Variants in AGBL1 observed in about 807,000 individuals in gnomAD.
AGBL1 encodes AGBL carboxypeptidase 1, also known as cytosolic carboxypeptidase 4.
AGBL1 carries 130 observed loss-of-function variants against 118.9 expected under a neutral mutation model. The ratio of observed to expected loss-of-function variants is 1.09; its 90% CI spans 0.95 to 1.26. The LOEUF (loss-of-function observed/expected upper bound fraction) is 1.26, where lower values mean the gene tolerates loss of function less well. Among genes scored for constraint, AGBL1 ranks in the 50% most tolerant of loss-of-function variants. The pLI is 0.00. For synonymous variants in AGBL1, 555 were observed against 478.9 expected, an observed-to-expected ratio of 1.16 and a Z score of -2.08; for missense variants, 1,584 against 1,298.1, an observed-to-expected ratio of 1.22 and a Z score of -3.38.
chr15:86,262,453 G>A (rs867320929), intron 9 of AGBL1, among the ~76,000 whole-genome samples: 6 of 152,110 alleles, frequency 3.9e-5, no homozygotes, highest in South Asian at 2.1e-4. Context: ...CAATGATGCT[G>A]ACGATAGTGG....
downstream of AGBL1, among the ~76,000 whole-genome samples, chr15:86,918,144 G>C (rs1234311728): frequency 6.6e-6 from 1 of 152,142 alleles, no homozygotes; most frequent in African/African-American, 2.4e-5. Context: ...TGAATATGAT[G>C]GTAATGATAA....
intron 22 of AGBL1, among the ~76,000 whole-genome samples, chr15:86,834,640 T>A (rs1446674079): frequency 6.6e-6 from 1 of 152,168 alleles, no homozygotes; most frequent in African/African-American, 2.4e-5. Context: ...CTCTGATCCT[T>A]TTGACCTTAT....
intron 22 of AGBL1, among the ~76,000 whole-genome samples, chr15:86,752,428 A>T (rs1460561572): frequency 2.6e-5 from 4 of 152,110 alleles, no homozygotes; most frequent in Admixed American, 2.6e-4. Context: ...TTCATCTTTT[A>T]TCTGGTACAA....
At chr15:86,563,989 C>G (rs1158784161) in intron 21 of AGBL1, among the ~76,000 whole-genome samples, 1 of 152,162 alleles carries the variant, frequency 6.6e-6, no homozygotes, top group Non-Finnish European at 1.5e-5. Flanking sequence ...CTTGGTAGAT[C>G]TTCCTCCATC....
chr15:86,491,337 A>G (rs898883238), intron 18 of AGBL1, among the ~76,000 whole-genome samples: 1 of 152,118 alleles, frequency 6.6e-6, no homozygotes, highest in African/African-American at 2.4e-5. Flanking sequence ...AGAGAAAAGC[A>G]TACGGTGGCA....
intron 11 of AGBL1, among the ~76,000 whole-genome samples, chr15:86,266,090 T>C (rs2079066121): frequency 6.6e-6 from 1 of 152,204 alleles, no homozygotes; most frequent in South Asian, 2.1e-4. Flanking sequence ...CCAACGCAAG[T>C]GCTTTTGATA....
At chr15:86,682,156 C>G (rs1259345291) in intron 22 of AGBL1, among the ~76,000 whole-genome samples, 1 of 152,030 alleles carries the variant, frequency 6.6e-6, no homozygotes, top group East Asian at 1.9e-4. Context: ...TAGTTGCAGG[C>G]AAATAAATGC....
At chr15:86,441,957 G>A (rs74025131) in intron 18 of AGBL1, among the ~76,000 whole-genome samples, 1,567 of 152,338 alleles carry the variant, frequency 0.01, 23 homozygotes, top group African/African-American at 0.036. Context: ...AGACCTCTGT[G>A]TATCAAAGGG....
At chr15:86,871,055 T>G (rs981065893) in intron 22 of AGBL1, among the ~76,000 whole-genome samples, 1 of 152,188 alleles carries the variant, frequency 6.6e-6, no homozygotes, top group Non-Finnish European at 1.5e-5. Context: ...CATGATGCCT[T>G]CCTGTTGGAA....
At chr15:86,870,036 G>T (rs190657325) in intron 22 of AGBL1, among the ~76,000 whole-genome samples, 1 of 152,142 alleles carries the variant, frequency 6.6e-6, no homozygotes, top group African/African-American at 2.4e-5. Context: ...TCCTTCGACT[G>T]CATCACCCCA....
chr15:86,739,656 C>T (rs1337720175), intron 22 of AGBL1, among the ~76,000 whole-genome samples: 1 of 151,794 alleles, frequency 6.6e-6, no homozygotes, highest in Admixed American at 6.6e-5. Context: ...ATCTATCCAC[C>T]CTTAGAATAA....
rs73443542 is a variant in AGBL1 at position 86,615,802 on chromosome 15, T to C, written c.2995-58471T>C. On this transcript the variant is annotated intron_variant, in intron 21 of 22. Coordinates refer to ENST00000614907, the MANE Select transcript of AGBL1 (RefSeq NM_001386094.1). This position sits in a 1 kb window ranked among gnomAD's most constrained non-coding sequence, Gnocchi z 4.3. ...AAAAGTCAACAACATATATAAAAGT[T>C]CTGGAAGCAGATGGAAACTCAGGGA... is the stretch of plus-strand genomic sequence containing the variant. Among the ~76,000 whole-genome samples the C allele has an allele frequency of 0.018, 2,718 of 152,242 alleles. 88 individuals are homozygous for C. The highest frequency in any genetic ancestry group is 0.062 in the African/African-American group (2,578 of 41,542).
intron 6 of AGBL1, among the ~76,000 whole-genome samples, chr15:86,232,463 C>T (rs908120147): frequency 2.6e-5 from 4 of 152,196 alleles, no homozygotes; most frequent in African/African-American, 9.6e-5. Flanking sequence ...TCCATACTAT[C>T]TGTGCTTCCC....
chr15:86,745,556 C>T (rs2077744048), intron 22 of AGBL1, among the ~76,000 whole-genome samples: 1 of 152,038 alleles, frequency 6.6e-6, no homozygotes, highest in South Asian at 2.1e-4. Flanking sequence ...GGACCAAAAT[C>T]TTGGTCAAGG....
chr15:86,559,025 G>A (rs1388162017), intron 21 of AGBL1, among the ~76,000 whole-genome samples: 1 of 152,102 alleles, frequency 6.6e-6, no homozygotes, highest in Non-Finnish European at 1.5e-5. Context: ...TGAGCTTCTT[G>A]TATTGCCAGA....
chr15:86,655,142 G>T (rs2085442143), intron 21 of AGBL1, among the ~76,000 whole-genome samples: 1 of 152,138 alleles, frequency 6.6e-6, no homozygotes, highest in Admixed American at 6.6e-5. Context: ...TTCTGGGGCT[G>T]ATTCCAATCT....
At chr15:86,948,875 G>A (rs1219412844) in intron 23 of AGBL1, among the ~76,000 whole-genome samples, 2 of 152,232 alleles carry the variant, frequency 1.3e-5, no homozygotes, top group African/African-American at 4.8e-5. Context: ...GTAAGCTAAG[G>A]CCTGTAGGCC....
rs74961141 is a variant in AGBL1 at position 86,186,898 on chromosome 15, C to A, written c.488+27872C>A. On this transcript the variant is annotated intron_variant, in intron 5 of 22. Transcript: ENST00000614907. ...GTCATACCAGAAATGAAGTTCAAGA[C>A]AAAATGTGACTCTAAATTCCACACT... 8.3e-3 allele frequency among the ~76,000 whole-genome samples: 1,271 copies of A among 152,272 alleles called. 18 individuals carry two copies. Among genetic ancestry groups the A allele is most frequent in the African/African-American group, 0.029 (1,226 of 41,564 alleles).
chr15:86,656,422 C>T (rs905726267), intron 21 of AGBL1, among the ~76,000 whole-genome samples: 5 of 152,116 alleles, frequency 3.3e-5, no homozygotes, highest in African/African-American at 4.8e-5. Context: ...AGGAAAACAA[C>T]TTCATTACAA....
Sources: gnomAD v4.1 joint callset for allele counts (sites outside exome capture counted in the v4.1 genomes callset) on GRCh38, gnomAD v4.1.1 for gene constraint, Gnocchi (gnomAD v3.1) non-coding constraint, MANE v1.5 for transcripts, NCBI Gene and HGNC (gene_info 2026-07-23, HGNC 2026-07-21) for gene names.